Variants in ZNF534 observed in about 807,000 individuals in gnomAD.
ZNF534 encodes zinc finger protein 534.
In ZNF534, 19 loss-of-function variants were observed where a neutral mutation model predicts 13.6. That is an observed-to-expected ratio of 1.40 (90% CI 0.97 to 2.05). The LOEUF (loss-of-function observed/expected upper bound fraction) is 2.05. Ranked by LOEUF, ZNF534 falls within the 30% of genes most tolerant of loss-of-function variation. The pLI is 0.00. For missense variants in ZNF534, 782 were observed against 796.3 expected, an observed-to-expected ratio of 0.98 and a Z score of 0.22; for synonymous variants, 244 against 273.8, an observed-to-expected ratio of 0.89 and a Z score of 1.07.
intron 2 of ZNF534, among the ~76,000 whole-genome samples, chr19:52,432,364 G>A (rs1156838885): frequency 6.6e-6 from 1 of 151,972 alleles, no homozygotes; most frequent in Non-Finnish European, 1.5e-5. Context: ...GATTCTTTAG[G>A]TTTGATTCTC....
chr19:52,431,459 A>G lies in ZNF534; in HGVS notation c.-16A>G. ...GCAAGGAAGCAACTCGGAAGAGGAA[A>G]GAAAGGAAGTCAGGAATGGCCCTTA... On this transcript the variant is annotated 5_prime_UTR_variant, in exon 2 of 5. Transcript: ENST00000433050. 6.2e-7 allele frequency: 1 copy of G among 1,614,088 alleles called. No individual in the cohort carries two copies. Among genetic ancestry groups the G allele is most frequent in the Non-Finnish European group, 8.5e-7 (1 of 1,179,940 alleles).
At chr19:52,430,309 C>T (rs555884767) in intron 1 of ZNF534, among the ~76,000 whole-genome samples, 114 of 152,218 alleles carry the variant, frequency 7.5e-4, no homozygotes, top group Middle Eastern at 3.4e-3. Context: ...AGCCACTGCG[C>T]CCGGCCTTGA....
In ZNF534 at chr19:52,438,437, A is replaced by G. The variant is rs1254342364; in HGVS notation, c.977A>G (p.Tyr326Cys). The G allele has an allele frequency of 1.2e-6, 2 of 1,612,434 alleles. No homozygotes were observed. Among genetic ancestry groups the G allele is most frequent in the East Asian group, 2.2e-5 (1 of 44,870 alleles). Residue 326 changes from tyrosine to cysteine, a missense_variant, in exon 5 of 5, where the codon TAT becomes TGT. Around this residue, in one of 5 missense-constraint regions of ZNF534, gnomAD observed 591 missense variants for 574.0 expected, o/e 1.03. Transcript: ENST00000433050. ...GTAATCCATACTGGAGAGAAACCTT[A>G]TGATTGTAAGGAATGTGGCAAGGTC... The part of the protein sequence containing the change: ...HLVIHTGEKP[Y>C]DCKECGKVFR...
In ZNF534 at chr19:52,433,987, A is replaced by G. The variant is rs750687165; in HGVS notation, c.48A>G (p.Glu16=). 14 of 1,614,140 alleles carry G rather than the reference A, an allele frequency of 8.7e-6. No individual in the cohort carries two copies. In the South Asian group the frequency reaches 1.4e-4, roughly 16 times the overall value. Residue 16 remains glutamate, a synonymous_variant, in exon 3 of 5, where the codon GAA becomes GAG. Coordinates refer to ENST00000433050, the MANE Select transcript of ZNF534 (RefSeq NM_001143938.3). ...TGTCATTCAGCGATGTGGCCATAGA[A>G]TTCTCTCAGGAGGAGTGGAAATGCC... ...GQLSFSDVAI[E]FSQEEWKCLD...
At chr19:52,451,699 A>G in exon 5 of ZNF534, 2 of 672,422 alleles carry the variant, frequency 3.0e-6, no homozygotes, top group Non-Finnish European at 5.4e-6. Context: ...AGTAGCTCCA[A>G]GGTCTGGCTT....
downstream of ZNF534, among the ~76,000 whole-genome samples, chr19:52,444,796 T>G: frequency 6.6e-6 from 1 of 152,084 alleles, no homozygotes. Flanking sequence ...CCGGTAGTCA[T>G]AGGCCTCACC....
rs145697696 is a variant in ZNF534 at position 52,431,007 on chromosome 19, C to T, written c.-67-401C>T. Among the ~76,000 whole-genome samples, 564 of 152,184 alleles carry T rather than the reference C, an allele frequency of 3.7e-3. 3 individuals carry two copies. Among genetic ancestry groups the T allele is most frequent in the Non-Finnish European group, 6.1e-3 (418 of 68,014 alleles). ...CTGGGATTACAGGCCCGTGTCACCA[C>T]GCCCAGCTAATTTTTTGTATCCTTA... On this transcript the variant is annotated intron_variant, in intron 1 of 4. Transcript: ENST00000433050.
chr19:52,443,345 A>G (rs1181797712), downstream of ZNF534, among the ~76,000 whole-genome samples: 1 of 152,136 alleles, frequency 6.6e-6, no homozygotes, highest in Non-Finnish European at 1.5e-5. Context: ...TACCCTAAAT[A>G]TGTTTTCTAA....
In ZNF534 at chr19:52,430,026, G is replaced by GGGC. The variant is rs2059076926; in HGVS notation, c.-68+782_-68+783insGGC. On this transcript the variant is annotated intron_variant, in intron 1 of 4. Transcript: ENST00000433050. Reference sequence around the variant, plus strand: ...TTGATGCTGACAATTTTTTTTTTGGGTTTTTTTGAGACAGAGTCTCACTCT... The same window carrying GGGC: ...TTGATGCTGACAATTTTTTTTTTGGGGGCTTTTTTTGAGACAGAGTCTCACTCT... 1.3e-5 allele frequency among the ~76,000 whole-genome samples: 2 copies of GGGC among 149,740 alleles called. 1 individual carries two copies. The highest frequency in any genetic ancestry group is 4.9e-5 in the African/African-American group (2 of 40,724).
rs573689916 is a variant in ZNF534 at position 52,451,477 on chromosome 19, C to T, written c.562C>T (p.Gln188Ter). ...CGCTGTCCAGCGTTGGCCGCCTGAG[C>T]AGAGGCTGCCGCGGAGCTAAGACAC... The change falls in exon 5 of 5, where the codon CAG (glutamine) becomes TAG (stop). Residue 188 changes from glutamine to a stop codon, truncating the protein, a stop_gained. Transcript: ENST00000301085. LOFTEE classifies it high-confidence loss of function. 5 of 570,390 alleles carry T rather than the reference C, an allele frequency of 8.8e-6. No individual in the cohort carries two copies. The East Asian group carries it at 1.3e-4, about 14-fold the overall frequency. The allele number at this position is 570,390 out of a possible 1,614,324, so 35.3% of individuals were successfully genotyped here. A position where few individuals can be genotyped will look rare whatever the true frequency, so the allele number is the denominator to read the frequency against.
In ZNF534 at chr19:52,450,234, T is replaced by TA. The variant is rs571009662; in HGVS notation, c.272-947dup. ...TTGCCTGTGTTTTTGAGGTCTTACC[T>TA]AAAAAATCTTTGCCCAGATCAATGC... On this transcript the variant is annotated intron_variant, in intron 4 of 4. Coordinates refer to the ZNF534 transcript ENST00000301085. 3.1e-3 allele frequency among the ~76,000 whole-genome samples: 477 copies of TA among 152,288 alleles called. 1 individual carries two copies. The highest frequency in any genetic ancestry group is 4.9e-3 in the Non-Finnish European group (333 of 68,016).
At chr19:52,447,530 AG>A (rs749417734) in intron 4 of ZNF534, among the ~76,000 whole-genome samples, 122 of 152,334 alleles carry the variant, frequency 8.0e-4, no homozygotes, top group Non-Finnish European at 1.5e-3. Flanking sequence ...GGTGTTCTTC[AG>A]GAAGATGAAA....
chr19:52,436,234 G>A (rs961670619), intron 4 of ZNF534, among the ~76,000 whole-genome samples: 13 of 152,016 alleles, frequency 8.6e-5, no homozygotes, highest in East Asian at 5.8e-4. Context: ...CACCGTGCCC[G>A]GCCCTTATTT....
exon 5 of ZNF534, chr19:52,451,275 C>G (rs1382463225): frequency 2.0e-6 from 2 of 1,018,214 alleles, no homozygotes; most frequent in Non-Finnish European, 3.0e-6. Context: ...CCGGCCCAAA[C>G]TTTGTGGGAA....
downstream of ZNF534, among the ~76,000 whole-genome samples, chr19:52,444,901 G>A (rs1340248451): frequency 1.3e-5 from 2 of 152,138 alleles, no homozygotes; most frequent in Non-Finnish European, 2.9e-5. Flanking sequence ...GGCAAGCAGG[G>A]CTGAGAACTT....
chr19:52,433,847 G>T (rs2560996), intron 2 of ZNF534, 108 bp from the exon 3 acceptor site: 371,901 of 1,244,608 alleles, frequency 0.3, 57,664 homozygotes, highest in South Asian at 0.42. Flanking sequence ...TGTGGATTTG[G>T]CGCAGTGCTC....
chr19:52,437,706 G>A, intron 4 of ZNF534, 26 bp from the exon 5 acceptor site: 1 of 1,532,220 alleles, frequency 6.5e-7, no homozygotes, highest in Non-Finnish European at 8.7e-7. Context: ...TCGGGATTAA[G>A]TTCTAAAATT....
At position 52,451,288 on chromosome 19, in the gene ZNF534, GACTC is replaced by G. The variant is rs1364877980; in HGVS notation, c.374_377del (p.Asp125AlafsTer134). Reference sequence around the variant, plus strand: ...AACCGGCCCAAACTTTGTGGGAAATGACTCCCCTCTGCCCTCGCCCCTCGCTCTG... The same window carrying G: ...AACCGGCCCAAACTTTGTGGGAAATGCCCTCTGCCCTCGCCCCTCGCTCTG... On this transcript the variant is annotated frameshift_variant, in exon 5 of 5. Coordinates refer to the ZNF534 transcript ENST00000301085. LOFTEE classifies it low-confidence loss of function (END_TRUNC). 9.4e-7 allele frequency: 1 copy of G among 1,066,126 alleles called. No individual in the cohort carries two copies. The highest frequency in any genetic ancestry group is 1.4e-6 in the Non-Finnish European group (1 of 702,894). 66.0% of individuals were successfully genotyped at this position (1,066,126 alleles called of 1,614,324 possible).
Position 52,433,938 on chromosome 19 carries a change from T to C in ZNF534, c.16-17T>C. 1 of 1,613,590 alleles carries C rather than the reference T, an allele frequency of 6.2e-7. No homozygotes were observed. The highest frequency in any genetic ancestry group is 8.5e-7 in the Non-Finnish European group (1 of 1,179,660). ...CTCTCTCCATACCCTGTTTTTGAAATGTGGATTTCCTTTTAGGGGCAATTG... is the reference window on the plus strand; with the variant it reads ...CTCTCTCCATACCCTGTTTTTGAAACGTGGATTTCCTTTTAGGGGCAATTG... On this transcript the variant is annotated splice_polypyrimidine_tract_variant and intron_variant, in intron 2 of 4. Transcript: ENST00000433050.
Sources: allele counts gnomAD v4.1 joint callset (sites outside exome capture counted in the v4.1 genomes callset), GRCh38; gene constraint gnomAD v4.1.1; regional missense constraint gnomAD v4.1.1; transcripts MANE v1.5; gene names NCBI Gene and HGNC (gene_info 2026-07-23, HGNC 2026-07-21).